DCLK1: variants seen among roughly 807,000 people sequenced by gnomAD.
DCLK1 encodes doublecortin like kinase 1.
Under a neutral mutation model 86.2 loss-of-function variants are expected in DCLK1, and 16 were observed. That is an observed-to-expected ratio of 0.19 (90% CI 0.13 to 0.28). The LOEUF (loss-of-function observed/expected upper bound fraction) is 0.28. Ranked by LOEUF, DCLK1 falls within the 10% of genes least tolerant of loss-of-function variation. The pLI is 1.00. For missense variants in DCLK1, 590 were observed against 940.2 expected (o/e 0.63, Z 4.87); for synonymous variants, 369 against 370.5 (o/e 1.00, Z 0.05).
At chr13:35,927,990 C>T (rs1293118237) in intron 4 of DCLK1, among the ~76,000 whole-genome samples, 3 of 152,190 alleles carry the variant, frequency 2.0e-5, no homozygotes, top group South Asian at 2.1e-4. Flanking sequence ...CACTTATGGG[C>T]CTCTCCCAGA....
intron 3 of DCLK1, among the ~76,000 whole-genome samples, chr13:35,961,627 C>T (rs1247205839): frequency 6.6e-6 from 1 of 152,120 alleles, no homozygotes; most frequent in African/African-American, 2.4e-5. Context: ...TTTCAAGTAC[C>T]TGACAAGTAG....
chr13:35,811,182 G>T (rs1369241158), intron 11 of DCLK1, among the ~76,000 whole-genome samples: 1 of 152,136 alleles, frequency 6.6e-6, no homozygotes, highest in African/African-American at 2.4e-5. Flanking sequence ...AATGGAAATT[G>T]ATTAAATAAA....
chr13:36,039,695 T>TA (rs968597349), intron 3 of DCLK1, among the ~76,000 whole-genome samples: 64 of 147,066 alleles, frequency 4.4e-4, no homozygotes, highest in East Asian at 1.4e-3. Context: ...AGCGACAAGG[T>TA]AAAAAAAAAA....
chr13:36,000,165 C>T (rs1358394371), intron 3 of DCLK1, among the ~76,000 whole-genome samples: 1 of 152,146 alleles, frequency 6.6e-6, no homozygotes, highest in Non-Finnish European at 1.5e-5. Context: ...AAATCTTAAA[C>T]CCCACACAAT....
chr13:35,992,555 T>G (rs755849908), intron 3 of DCLK1, among the ~76,000 whole-genome samples: 27 of 152,264 alleles, frequency 1.8e-4, no homozygotes, highest in Non-Finnish European at 3.1e-4. Flanking sequence ...TACTCCTGAC[T>G]TACTGCAGTC....
chr13:35,804,723 G>A (rs2086991415), intron 15 of DCLK1, among the ~76,000 whole-genome samples: 1 of 152,182 alleles, frequency 6.6e-6, no homozygotes, highest in South Asian at 2.1e-4. Context: ...GTGAGGCACT[G>A]CGCCCAGCCA....
chr13:35,845,833 CAT>C (rs966730442), intron 6 of DCLK1: 173 of 777,200 alleles, frequency 2.2e-4, no homozygotes, highest in Admixed American at 4.4e-4. Context: ...CCTTATCCCA[CAT>C]GTGGTCATTT....
intron 3 of DCLK1, among the ~76,000 whole-genome samples, chr13:36,062,678 C>T (rs960787750): frequency 1.3e-5 from 2 of 152,118 alleles, no homozygotes; most frequent in Non-Finnish European, 2.9e-5. Context: ...AGGATGACGA[C>T]TTGATAGTGA....
intron 4 of DCLK1, among the ~76,000 whole-genome samples, chr13:35,872,053 A>G (rs1230545971): frequency 6.6e-6 from 1 of 152,240 alleles, no homozygotes. Context: ...AATGCTGAAC[A>G]TCTTAAATGG....
intron 4 of DCLK1, among the ~76,000 whole-genome samples, chr13:35,921,818 C>A (rs1048809144): frequency 6.6e-6 from 1 of 152,060 alleles, no homozygotes; most frequent in Non-Finnish European, 1.5e-5. Context: ...TGGGAAGGGG[C>A]AGGTAAGGTG....
rs144295810 is a variant in DCLK1 at position 35,902,873 on chromosome 13, T to G, written c.824-31533A>C. On this transcript the variant is annotated intron_variant, in intron 4 of 16. Transcript: ENST00000360631. ...TTTCAGAAAAGATGAAATAAGGAGG[T>G]CTCAAAGTCCTGCTTTTCAAGACAC... Among the ~76,000 whole-genome samples, 725 of 151,924 alleles carry G rather than the reference T, an allele frequency of 4.8e-3. 4 individuals carry two copies. The highest frequency in any genetic ancestry group is 0.017 in the African/African-American group (696 of 41,418).
In DCLK1 at chr13:35,773,452, T is replaced by G. The variant is rs2086368627; in HGVS notation, c.*1083A>C. 1 of 152,130 alleles carries G rather than the reference T, an allele frequency of 6.6e-6. No homozygotes were observed. The highest frequency in any genetic ancestry group is 1.5e-5 in the Non-Finnish European group (1 of 67,978). The allele number at this position is 152,130 out of a possible 1,614,324, so 9.4% of individuals were successfully genotyped here. ...CTGAAAACTTATTGTTAGAACATTC[T>G]GGATTGTGTTCCCAGTGTGCTTTCT... On this transcript the variant is annotated 3_prime_UTR_variant, in exon 17 of 17. Transcript: ENST00000360631.
chr13:36,118,378 G>C (rs984110037), intron 2 of DCLK1, among the ~76,000 whole-genome samples: 1 of 152,116 alleles, frequency 6.6e-6, no homozygotes, highest in African/African-American at 2.4e-5. Context: ...GCCAGAATTG[G>C]CAATTGACTG....
At chr13:35,978,198 CTTTTCTTTTTT>C in intron 3 of DCLK1, among the ~76,000 whole-genome samples, 2 of 112,172 alleles carry the variant, frequency 1.8e-5, no homozygotes, top group Non-Finnish European at 3.8e-5. Context: ...TTTTTCTTTT[CTTTTCTTTTTT>C]TTTTTTTTTT....
chr13:35,943,864 G>A (rs1214687396), intron 4 of DCLK1, among the ~76,000 whole-genome samples: 1 of 152,136 alleles, frequency 6.6e-6, no homozygotes, highest in Admixed American at 6.5e-5. Flanking sequence ...TCTCCAATGT[G>A]ACATTTTCCC....
chr13:35,843,515 T>C (rs557608902), intron 6 of DCLK1, among the ~76,000 whole-genome samples: 1 of 152,354 alleles, frequency 6.6e-6, no homozygotes, highest in African/African-American at 2.4e-5. Flanking sequence ...TTTATCAAGA[T>C]GTATCTGATG....
At chr13:35,792,230 A>C (rs1344968595) in intron 16 of DCLK1, among the ~76,000 whole-genome samples, 1 of 152,186 alleles carries the variant, frequency 6.6e-6, no homozygotes, top group Non-Finnish European at 1.5e-5. Context: ...TTCAATCGAG[A>C]AACACGAAAT....
chr13:35,975,342 C>T (rs1057028954), intron 3 of DCLK1, among the ~76,000 whole-genome samples: 5 of 152,202 alleles, frequency 3.3e-5, no homozygotes, highest in African/African-American at 1.2e-4. Context: ...TGACCTGCAT[C>T]AGGCTGGAGA....
chr13:36,054,570 A>C lies in DCLK1; in HGVS notation c.723+57299T>G, dbSNP rs145398627. On this transcript the variant is annotated intron_variant, in intron 3 of 16. Transcript: ENST00000360631. ...GAAACAACCAACCAAACAAACAGACACTTGATAGAATGTCAGGTAGTCACA... is the reference window on the plus strand; with the variant it reads ...GAAACAACCAACCAAACAAACAGACCCTTGATAGAATGTCAGGTAGTCACA... Among the ~76,000 whole-genome samples the C allele has an allele frequency of 2.8e-3, 433 of 152,236 alleles. 2 individuals are homozygous for C. The highest frequency in any genetic ancestry group is 9.5e-3 in the African/African-American group (395 of 41,548).
Sources: gnomAD v4.1 joint callset for allele counts (sites outside exome capture counted in the v4.1 genomes callset) on GRCh38, gnomAD v4.1.1 for gene constraint, MANE v1.5 for transcripts, NCBI Gene and HGNC (gene_info 2026-07-23, HGNC 2026-07-21) for gene names.